Variants in STAMBPL1 observed in about 807,000 individuals in gnomAD.
STAMBPL1 encodes STAM binding protein like 1.
STAMBPL1 carries 44 observed loss-of-function variants against 52.9 expected under a neutral mutation model. That is an observed-to-expected ratio of 0.83 (90% CI 0.65 to 1.07). STAMBPL1 has a LOEUF of 1.07. Among genes scored for constraint, STAMBPL1 ranks in the 50% least tolerant of loss-of-function variants. The probability of loss-of-function intolerance (pLI) is 0.00; values close to 1 mark genes in which losing one functional copy is unlikely to be tolerated. For missense variants in STAMBPL1, 511 were observed against 520.8 expected (o/e 0.98, Z 0.18); for synonymous variants, 164 against 177.3 (o/e 0.92, Z 0.60).
rs1845053819 is a variant in STAMBPL1, at chr10:88,905,611, G to A, written c.199G>A (p.Glu67Lys). ...EMERMASVYLEEGNLENAFVL... is the reference protein window; with the variant it reads ...EMERMASVYLKEGNLENAFVL... Reference sequence around the variant, plus strand: ...GGAGAGGATGGCGTCTGTGTATTTGGAAGAAGGAAATTTGGAAAATGCCTT... The same window carrying A: ...GGAGAGGATGGCGTCTGTGTATTTGAAAGAAGGAAATTTGGAAAATGCCTT... The change falls in exon 3 of 11, where the codon GAA (glutamate) becomes AAA (lysine). Residue 67 changes from glutamate to lysine, a missense_variant. Glu to Lys is a moderately conservative substitution (Grantham distance 56). Coordinates refer to ENST00000371926, the MANE Select transcript of STAMBPL1 (RefSeq NM_020799.4). 1 of 1,613,982 alleles carries A rather than the reference G, an allele frequency of 6.2e-7. No homozygotes were observed. The highest frequency in any genetic ancestry group is 8.5e-7 in the Non-Finnish European group (1 of 1,180,000).
chr10:88,888,098 C>T (rs1410098912), intron 1 of STAMBPL1, among the ~76,000 whole-genome samples: 1 of 152,078 alleles, frequency 6.6e-6, no homozygotes, highest in African/African-American at 2.4e-5. Context: ...CAGGAAACCA[C>T]AGGGTTGGTG....
Position 88,921,220 on chromosome 10 carries a change from A to G in STAMBPL1, c.1042-63A>G. Reference sequence around the variant, plus strand: ...AAAAAAAAACAGAGTTTTCTATTAAAATAGCCTATGGCCTTGGCTAAGACA... The same window carrying G: ...AAAAAAAAACAGAGTTTTCTATTAAGATAGCCTATGGCCTTGGCTAAGACA... On this transcript the variant is annotated intron_variant, in intron 8 of 10. Transcript: ENST00000371926. 3 of 1,285,276 alleles carry G rather than the reference A, an allele frequency of 2.3e-6. No homozygotes were observed. In the South Asian group the frequency reaches 4.0e-5, roughly 17 times the overall value. The allele number at this position is 1,285,276 out of a possible 1,614,324, so 79.6% of individuals were successfully genotyped here. A position where few individuals can be genotyped will look rare whatever the true frequency, so the allele number is the denominator to read the frequency against.
rs1295525903 is a variant in STAMBPL1 at position 88,922,372 on chromosome 10, T to C, written c.1190T>C (p.Leu397Pro). ...TTCAGGCTCACCAATGCTGGCATGC[T>C]TGAGGTTTCTGCTTGTAAAAAAAAG... ...GIFRLTNAGMLEVSACKKKGF... is the reference protein window; with the variant it reads ...GIFRLTNAGMPEVSACKKKGF... Residue 397 changes from leucine to proline, a missense_variant, in exon 10 of 11, where the codon CTT (leucine) becomes CCT (proline). Coordinates refer to ENST00000371926, the MANE Select transcript of STAMBPL1 (RefSeq NM_020799.4). The C allele has an allele frequency of 6.2e-7, 1 of 1,613,516 alleles. No individual in the cohort carries two copies. Among genetic ancestry groups the C allele is most frequent in the Admixed American group, 1.7e-5 (1 of 59,912 alleles).
At chr10:88,894,345 A>G (rs779091576) in intron 1 of STAMBPL1, among the ~76,000 whole-genome samples, 3 of 151,740 alleles carry the variant, frequency 2.0e-5, no homozygotes, top group Non-Finnish European at 4.4e-5. Context: ...GCATTCTGCT[A>G]ATGGTACCTA....
At chr10:88,922,913 T>C (rs1845550994) in intron 10 of STAMBPL1, among the ~76,000 whole-genome samples, 1 of 152,176 alleles carries the variant, frequency 6.6e-6, no homozygotes, top group Non-Finnish European at 1.5e-5. Context: ...TTGGAGGTTC[T>C]GTGGCTATAA....
intron 1 of STAMBPL1, among the ~76,000 whole-genome samples, chr10:88,893,533 G>C (rs900909543): frequency 2.0e-5 from 3 of 152,122 alleles, no homozygotes; most frequent in African/African-American, 7.2e-5. Context: ...CCTGAGGTCA[G>C]GAGTTCGAGA....
Position 88,914,570 on chromosome 10 carries a change from C to T in STAMBPL1, c.815C>T (p.Pro272Leu). ...GAAGGACTGCGATGTGTAGTTTTGC[C>T]AGAAGATCTTTGCCACAAATTTCTG... ...VVEGLRCVVL[P>L]EDLCHKFLQL... The change falls in exon 7 of 11, where the codon CCA (proline) becomes CTA (leucine). Residue 272 changes from proline to leucine, a missense_variant. Physicochemically the swap from Pro to Leu is moderately conservative, Grantham distance 98. Coordinates refer to ENST00000371926, the MANE Select transcript of STAMBPL1 (RefSeq NM_020799.4). The T allele has an allele frequency of 6.5e-7, 1 of 1,538,104 alleles. No homozygotes were observed. The highest frequency in any genetic ancestry group is 8.8e-7 in the Non-Finnish European group (1 of 1,140,258).
At chr10:88,883,441 C>A (rs1054061146) in intron 1 of STAMBPL1, among the ~76,000 whole-genome samples, 1 of 152,116 alleles carries the variant, frequency 6.6e-6, no homozygotes, top group Non-Finnish European at 1.5e-5. Flanking sequence ...GTGAACTGTC[C>A]AATTGAACGT....
intron 1 of STAMBPL1, chr10:88,901,175 C>A (rs1844933956): frequency 6.6e-6 from 1 of 152,222 alleles, no homozygotes; most frequent in South Asian, 2.1e-4. Flanking sequence ...GTCTTAAACA[C>A]ACTCAAGTGG....
rs118156945 is a variant in STAMBPL1, at chr10:88,915,131, C to T, written c.903+473C>T. ...TTTAAGGCAGTAGTTTCAACAAAAG[C>T]CTATAAGCACAGGACATACTTAATT... On this transcript the variant is annotated intron_variant, in intron 7 of 10. Coordinates refer to ENST00000371926, the MANE Select transcript of STAMBPL1 (RefSeq NM_020799.4). Among the ~76,000 whole-genome samples the T allele has an allele frequency of 9.5e-4, 144 of 152,134 alleles. 3 individuals are homozygous for T. In the East Asian group the frequency reaches 0.024, roughly 25 times the overall value.
chr10:88,896,323 TTTTCCTGAAGTAGGGCCCAATCTGTAA>T (rs1259547657), intron 1 of STAMBPL1, among the ~76,000 whole-genome samples: 3 of 152,218 alleles, frequency 2.0e-5, no homozygotes. Flanking sequence ...ATTTATTTAT[TTTTCCTGAAGTAGGGCCCAATCTGTAA>T]GACTGTGACT....
At chr10:88,904,804 A>G (rs1845031434) in intron 2 of STAMBPL1, among the ~76,000 whole-genome samples, 1 of 152,190 alleles carries the variant, frequency 6.6e-6, no homozygotes, top group Non-Finnish European at 1.5e-5. Flanking sequence ...GGACTAATTT[A>G]ACAGTGTACT....
At chr10:88,913,681 A>G (rs958842594) in intron 6 of STAMBPL1, among the ~76,000 whole-genome samples, 4 of 151,398 alleles carry the variant, frequency 2.6e-5, no homozygotes, top group South Asian at 4.2e-4. Flanking sequence ...CAGAGACTCT[A>G]TAATAAATGG....
intron 3 of STAMBPL1, among the ~76,000 whole-genome samples, chr10:88,908,248 T>C (rs1292725567): frequency 6.6e-6 from 1 of 152,226 alleles, no homozygotes; most frequent in Admixed American, 6.5e-5. Flanking sequence ...TTATGAGTTT[T>C]CGGTTAAGAG....
At chr10:88,913,610 A>G in intron 6 of STAMBPL1, 152 bp downstream of exon 6, 1 of 660,476 alleles carries the variant, frequency 1.5e-6, no homozygotes, top group African/African-American at 1.8e-5. Context: ...ACCTTTCAAT[A>G]CTCTCTAGCT....
chr10:88,914,407 A>G, intron 6 of STAMBPL1, 127 bp from the exon 7 acceptor site: 1 of 595,130 alleles, frequency 1.7e-6, no homozygotes, highest in Middle Eastern at 5.0e-4. Context: ...TAAAATATGG[A>G]AAGTGGAACA....
chr10:88,913,500 C>T (rs757068276), intron 6 of STAMBPL1, 42 bp downstream of exon 6: 10 of 1,505,752 alleles, frequency 6.6e-6, no homozygotes, highest in Non-Finnish European at 7.2e-6. Context: ...TGAGCCTCAT[C>T]GGATGGAACC....
intron 2 of STAMBPL1, among the ~76,000 whole-genome samples, chr10:88,903,949 G>A (rs995284707): frequency 5.3e-5 from 8 of 152,140 alleles, no homozygotes; most frequent in South Asian, 2.1e-4. Context: ...GGTTCTATTG[G>A]CTATAAAATT....
At chr10:88,904,227 G>A (rs1475600825) in intron 2 of STAMBPL1, among the ~76,000 whole-genome samples, 1 of 152,190 alleles carries the variant, frequency 6.6e-6, no homozygotes, top group Non-Finnish European at 1.5e-5. Flanking sequence ...AATGGTAGAA[G>A]GGGTTGGTCT....
Sources: allele counts gnomAD v4.1 joint callset (sites outside exome capture counted in the v4.1 genomes callset), GRCh38; gene constraint gnomAD v4.1.1; transcripts MANE v1.5; gene names NCBI Gene and HGNC (gene_info 2026-07-23, HGNC 2026-07-21).